Variants in SGCG observed in about 807,000 individuals in gnomAD.
The protein encoded by SGCG is gamma-sarcoglycan.
Under a neutral mutation model 29.3 loss-of-function variants are expected in SGCG, and 26 were observed. The observed-to-expected ratio is 0.89, with a 90% CI of 0.65 to 1.23. SGCG has a LOEUF of 1.23. SGCG is among the 50% of genes most tolerant of loss of function. The pLI, the probability that SGCG is intolerant of heterozygous loss-of-function variation, is 0.00. For synonymous variants in SGCG, 145 were observed against 129.7 expected (o/e 1.12, Z -0.80); for missense variants, 353 against 356.0 (o/e 0.99, Z 0.07).
At chr13:23,210,250 A>G (rs1297234090) in intron 2 of SGCG, among the ~76,000 whole-genome samples, 2 of 152,164 alleles carry the variant, frequency 1.3e-5, no homozygotes, top group African/African-American at 4.8e-5. Context: ...AACAGCAAAA[A>G]TGTTCTTTGA....
intron 3 of SGCG, among the ~76,000 whole-genome samples, chr13:23,235,303 G>A (rs963611828): frequency 2.0e-5 from 3 of 150,076 alleles, no homozygotes; most frequent in African/African-American, 7.5e-5. Flanking sequence ...AGGTTGTGGT[G>A]AGCCCAGATA....
At chr13:23,304,995 G>A (rs1436796533) in intron 6 of SGCG, among the ~76,000 whole-genome samples, 1 of 5,974 alleles carries the variant, frequency 1.7e-4, no homozygotes, top group Non-Finnish European at 9.0e-4. Flanking sequence ...GCGTGCACGT[G>A]CTCACACACA....
chr13:23,266,145 G>T (rs1428749586), intron 4 of SGCG, among the ~76,000 whole-genome samples: 1 of 151,830 alleles, frequency 6.6e-6, no homozygotes, highest in African/African-American at 2.4e-5. Context: ...GGTGGCAGGC[G>T]CCTGTAATCC....
chr13:23,164,044 C>G, the SGCG span, among the ~76,000 whole-genome samples: 1 of 152,210 alleles, frequency 6.6e-6, no homozygotes, highest in Non-Finnish European at 1.5e-5. Flanking sequence ...TCTCTTCTCT[C>G]CTGGTAGGCC....
At chr13:23,286,676 T>A (rs1881509038) in intron 5 of SGCG, among the ~76,000 whole-genome samples, 1 of 133,798 alleles carries the variant, frequency 7.5e-6, no homozygotes. Context: ...TTAACAACAA[T>A]AGCTCATAAT....
chr13:23,188,603 G>A (rs1877103029), intron 1 of SGCG, among the ~76,000 whole-genome samples: 1 of 151,578 alleles, frequency 6.6e-6, no homozygotes, highest in Non-Finnish European at 1.5e-5. Flanking sequence ...ATAGGTGTGA[G>A]CCACCATGCC....
the SGCG span, among the ~76,000 whole-genome samples, chr13:23,168,229 A>G: frequency 6.6e-6 from 1 of 152,156 alleles, no homozygotes; most frequent in African/African-American, 2.4e-5. Context: ...GATGTGCCAG[A>G]AAAACCTTCT....
chr13:23,209,673 C>T (rs572672643), intron 2 of SGCG, among the ~76,000 whole-genome samples: 44 of 152,288 alleles, frequency 2.9e-4, no homozygotes, highest in African/African-American at 1.1e-3. Flanking sequence ...ACTCTCAACA[C>T]TGTAAAATAG....
In SGCG at chr13:23,324,820, T is replaced by C; in HGVS notation, c.*279T>C. 1 of 433,324 alleles carries C rather than the reference T, an allele frequency of 2.3e-6. No individual in the cohort carries two copies. Among genetic ancestry groups the C allele is most frequent in the South Asian group, 2.0e-5 (1 of 49,266 alleles). The allele number at this position is 433,324 out of a possible 1,614,324, so 26.8% of individuals were successfully genotyped here. A position where few individuals can be genotyped will look rare whatever the true frequency, so the allele number is the denominator to read the frequency against. On this transcript the variant is annotated 3_prime_UTR_variant, in exon 8 of 8. Transcript: ENST00000218867. Reference sequence around the variant, plus strand: ...GGAACAATTGCGAATTCTCTCTGCCTCGCCTCCCCCTATCTTGTCCGTGTG... The same window carrying C: ...GGAACAATTGCGAATTCTCTCTGCCCCGCCTCCCCCTATCTTGTCCGTGTG...
At position 23,199,940 on chromosome 13, in the gene SGCG, C is replaced by G. The variant is rs868839375; in HGVS notation, c.1-3755C>G. ...CAAAGACAGCACATTCCCCAGGCTC[C>G]CCATTTTTGGGCAAGCCTCACCAGA... On this transcript the variant is annotated intron_variant, in intron 1 of 7. Transcript: ENST00000218867. 1.2e-4 allele frequency among the ~76,000 whole-genome samples: 18 copies of G among 152,232 alleles called. No homozygotes were observed. In the Middle Eastern group the frequency reaches 0.017, roughly 145 times the overall value.
intron 6 of SGCG, among the ~76,000 whole-genome samples, chr13:23,298,056 T>G (rs1881978180): frequency 6.6e-6 from 1 of 151,338 alleles, no homozygotes; most frequent in South Asian, 2.1e-4. Flanking sequence ...ACAATCACTT[T>G]TTAAATTGTT....
the SGCG span, among the ~76,000 whole-genome samples, chr13:23,160,672 A>C: frequency 6.6e-6 from 1 of 152,088 alleles, no homozygotes; most frequent in Admixed American, 6.5e-5. Context: ...ACGGCCCGCC[A>C]CTTCGCCTTC....
chr13:23,211,971 G>T lies in SGCG; in HGVS notation c.195+8082G>T, dbSNP rs546706284. On this transcript the variant is annotated intron_variant, in intron 2 of 7. Coordinates refer to ENST00000218867, the MANE Select transcript of SGCG (RefSeq NM_000231.3). ...CATGGGGGCAGGTCCTTCATGAATG[G>T]CTTGGCACCATCCCCTTGGTGCTGT... 7.9e-5 allele frequency among the ~76,000 whole-genome samples: 12 copies of T among 152,240 alleles called. No individual in the cohort carries two copies. In the South Asian group the frequency reaches 2.5e-3, roughly 32 times the overall value.
chr13:23,314,950 T>G (rs1176781751), intron 6 of SGCG, among the ~76,000 whole-genome samples: 1 of 152,136 alleles, frequency 6.6e-6, no homozygotes, highest in Non-Finnish European at 1.5e-5. Flanking sequence ...GCTGCCAGTT[T>G]TTAGTGAGGT....
chr13:23,285,380 A>G (rs9578574), intron 5 of SGCG, among the ~76,000 whole-genome samples: 65,947 of 152,062 alleles, frequency 0.43, 15,146 homozygotes, highest in Middle Eastern at 0.65. Context: ...CACCTAGGTC[A>G]ACCTTCTCAG....
intron 5 of SGCG, among the ~76,000 whole-genome samples, chr13:23,284,507 A>AC (rs745462181): frequency 2.6e-5 from 4 of 151,884 alleles, no homozygotes; most frequent in African/African-American, 4.8e-5. Context: ...AACTCCTCTA[A>AC]CCTTTTTTCA....
At chr13:23,312,832 G>C (rs1261247700) in intron 6 of SGCG, among the ~76,000 whole-genome samples, 3 of 147,748 alleles carry the variant, frequency 2.0e-5, no homozygotes, top group Admixed American at 6.8e-5. Context: ...GAAAAAAAAT[G>C]GTGTCTCCAA....
chr13:23,165,111 T>C, the SGCG span, among the ~76,000 whole-genome samples: 3 of 152,208 alleles, frequency 2.0e-5, no homozygotes, highest in South Asian at 2.1e-4. Flanking sequence ...GCTACACTTA[T>C]GACTAGTTTA....
intron 4 of SGCG, among the ~76,000 whole-genome samples, chr13:23,261,268 A>T (rs895950301): frequency 1.3e-5 from 2 of 151,060 alleles, no homozygotes; most frequent in Non-Finnish European, 2.9e-5. Flanking sequence ...AATTTCAGTT[A>T]TGAGTAAAAA....
Sources: allele counts gnomAD v4.1 joint callset (sites outside exome capture counted in the v4.1 genomes callset), GRCh38; gene constraint gnomAD v4.1.1; transcripts MANE v1.5; gene names NCBI Gene and HGNC (gene_info 2026-07-23, HGNC 2026-07-21).